RB1: variants seen among roughly 807,000 people sequenced by gnomAD.
RB1 encodes retinoblastoma-associated protein.
In RB1, 18 loss-of-function variants were observed where a neutral mutation model predicts 135.4. That is an observed-to-expected ratio of 0.13 (90% confidence interval 0.09 to 0.20). RB1 has a LOEUF of 0.20. Among genes scored for constraint, RB1 ranks in the 10% least tolerant of loss-of-function variants. The probability of loss-of-function intolerance (pLI) is 1.00; values close to 1 mark genes in which losing one functional copy is unlikely to be tolerated. For synonymous variants in RB1, 365 were observed against 373.2 expected, an observed-to-expected ratio of 0.98 and a Z score of 0.25; for missense variants, 868 against 1,110.0, an observed-to-expected ratio of 0.78 and a Z score of 3.10.
chr13:48,362,224 G>T (rs1264381140), intron 7 of RB1, among the ~76,000 whole-genome samples: 1 of 151,998 alleles, frequency 6.6e-6, no homozygotes, highest in Non-Finnish European at 1.5e-5. Flanking sequence ...AGGATTACAG[G>T]CGTGAGCCAC....
chr13:48,331,741 T>C (rs1388788690), intron 2 of RB1, among the ~76,000 whole-genome samples: 1 of 152,230 alleles, frequency 6.6e-6, no homozygotes, highest in Non-Finnish European at 1.5e-5. Flanking sequence ...TCCTACCTTT[T>C]GGTAGATATC....
At chr13:48,438,914 G>A (rs780794315) in intron 17 of RB1, among the ~76,000 whole-genome samples, 42 of 151,558 alleles carry the variant, frequency 2.8e-4, no homozygotes, top group Admixed American at 5.9e-4. Context: ...CTATGTAGTG[G>A]GTACTACTAT....
At chr13:48,463,213 T>C (rs978239171) in intron 20 of RB1, among the ~76,000 whole-genome samples, 16 of 152,190 alleles carry the variant, frequency 1.1e-4, no homozygotes, top group Admixed American at 7.9e-4. Flanking sequence ...ATCAAAAGTA[T>C]ACATTCTAAC....
At chr13:48,305,011 A>G (rs1952069029) in intron 1 of RB1, among the ~76,000 whole-genome samples, 1 of 152,150 alleles carries the variant, frequency 6.6e-6, no homozygotes, top group Non-Finnish European at 1.5e-5. Context: ...GGAAGTATTT[A>G]TTGTATTACA....
chr13:48,337,523 A>C (rs1363102615), intron 2 of RB1, among the ~76,000 whole-genome samples: 1 of 151,610 alleles, frequency 6.6e-6, no homozygotes, highest in Non-Finnish European at 1.5e-5. Context: ...TTTGTTTTCC[A>C]TTTGCTTGGT....
intron 2 of RB1, among the ~76,000 whole-genome samples, chr13:48,329,458 C>T (rs761920770): frequency 4.6e-5 from 7 of 152,172 alleles, no homozygotes; most frequent in South Asian, 2.1e-4. Context: ...TACTATACTG[C>T]GTTGAATTTT....
At chr13:48,362,773 A>G in intron 7 of RB1, 42 bp from the exon 8 acceptor site, 9 of 1,578,424 alleles carry the variant, frequency 5.7e-6, no homozygotes, top group Non-Finnish European at 7.8e-6. Context: ...ATTTTATATG[A>G]TGGATGTACA....
chr13:48,361,033 G>T (rs1952634262), intron 7 of RB1, among the ~76,000 whole-genome samples: 1 of 151,800 alleles, frequency 6.6e-6, no homozygotes, highest in Non-Finnish European at 1.5e-5. Flanking sequence ...ACATGGTTTG[G>T]CAGAGAAGGC....
chr13:48,395,782 A>C (rs1170003996), intron 17 of RB1, among the ~76,000 whole-genome samples: 1 of 152,178 alleles, frequency 6.6e-6, no homozygotes, highest in Non-Finnish European at 1.5e-5. Context: ...TGACAGGGAG[A>C]GTGGAACCAA....
intron 21 of RB1, among the ~76,000 whole-genome samples, chr13:48,464,581 G>T (rs1251398104): frequency 6.6e-6 from 1 of 152,134 alleles, no homozygotes; most frequent in Non-Finnish European, 1.5e-5. Context: ...GGGGGATACC[G>T]GGAGGTACAG....
chr13:48,305,105 G>A (rs1427654366), intron 1 of RB1, among the ~76,000 whole-genome samples: 1 of 152,102 alleles, frequency 6.6e-6, no homozygotes. Flanking sequence ...GTCAGCACTG[G>A]TTCTACTTTG....
intron 17 of RB1, among the ~76,000 whole-genome samples, chr13:48,451,212 G>T (rs1420151300): frequency 6.6e-6 from 1 of 152,044 alleles, no homozygotes; most frequent in African/African-American, 2.4e-5. Flanking sequence ...GTCTTGTGCT[G>T]GTTTTCAAGG....
Position 48,477,341 on chromosome 13 carries a change from T to C in RB1, c.2664-14T>C. ...AAATACACATGAAATGTTTTGCATTTTTTTAATCTGCAGTAAACATCTCCC... is the reference window on the plus strand; with the variant it reads ...AAATACACATGAAATGTTTTGCATTCTTTTAATCTGCAGTAAACATCTCCC... On this transcript the variant is annotated splice_polypyrimidine_tract_variant and intron_variant, in intron 25 of 26. Coordinates refer to ENST00000267163, the MANE Select transcript of RB1 (RefSeq NM_000321.3). 1 of 1,599,450 alleles carries C rather than the reference T, an allele frequency of 6.3e-7. No individual in the cohort carries two copies. The highest frequency in any genetic ancestry group is 1.3e-5 in the African/African-American group (1 of 74,766).
chr13:48,395,740 C>T (rs931277158), intron 17 of RB1, among the ~76,000 whole-genome samples: 1 of 152,086 alleles, frequency 6.6e-6, no homozygotes, highest in Non-Finnish European at 1.5e-5. Flanking sequence ...TGTGAAAAGA[C>T]CAAACCTATG....
chr13:48,396,476 C>T (rs1365493500), intron 17 of RB1, among the ~76,000 whole-genome samples: 1 of 152,172 alleles, frequency 6.6e-6, no homozygotes, highest in Non-Finnish European at 1.5e-5. Context: ...CCCTTCCTTA[C>T]ACCTTATACA....
In RB1 at chr13:48,345,076, G is replaced by T; in HGVS notation, c.381-4G>T. The T allele has an allele frequency of 1.2e-6, 2 of 1,609,880 alleles. No homozygotes were observed. The highest frequency in any genetic ancestry group is 1.7e-6 in the Non-Finnish European group (2 of 1,177,802). On this transcript the variant is annotated splice_region_variant and splice_polypyrimidine_tract_variant and intron_variant, in intron 3 of 26. Transcript: ENST00000267163. ...TTTACTTTTTTCTATTCTTTCCTTT[G>T]TAGTGTCCATAAATTCTTTAACTTA...
chr13:48,366,626 T>C (rs1173033672), intron 9 of RB1, among the ~76,000 whole-genome samples: 1 of 152,156 alleles, frequency 6.6e-6, no homozygotes, highest in Non-Finnish European at 1.5e-5. Flanking sequence ...ATTCTAGCAA[T>C]TGAAAAAGTA....
rs1273687798 is a variant in RB1, at chr13:48,480,820, G to A, written c.*749G>A. ...CATCCAACTTATGTTTTTAAATGAG[G>A]ATTATTGATAGTACTCTTGGTTTTT... On this transcript the variant is annotated 3_prime_UTR_variant, in exon 27 of 27. Coordinates refer to ENST00000267163, the MANE Select transcript of RB1 (RefSeq NM_000321.3). 4.4e-6 allele frequency: 1 copy of A among 227,030 alleles called. No homozygotes were observed. The highest frequency in any genetic ancestry group is 8.8e-6 in the Non-Finnish European group (1 of 114,078). 14.1% of individuals were successfully genotyped at this position (227,030 alleles called of 1,614,324 possible). A position where few individuals can be genotyped will look rare whatever the true frequency, so the allele number is the denominator to read the frequency against.
In RB1 at chr13:48,373,399, CT is replaced by C. The variant is rs886038280; in HGVS notation, c.1128-5del. On this transcript the variant is annotated splice_region_variant and splice_polypyrimidine_tract_variant and intron_variant, in intron 11 of 26. Transcript: ENST00000267163. ...TAACACATTTTCCTATTTTTATCCCCTCTAGGACTGTTATGAACACTATCCA... is the reference window on the plus strand; with the variant it reads ...TAACACATTTTCCTATTTTTATCCCCCTAGGACTGTTATGAACACTATCCA... 5.2e-6 allele frequency: 8 copies of C among 1,549,652 alleles called. No individual in the cohort carries two copies. In the East Asian group the frequency reaches 1.8e-4, roughly 35 times the overall value.
Sources: allele counts gnomAD v4.1 joint callset (sites outside exome capture counted in the v4.1 genomes callset), GRCh38; gene constraint gnomAD v4.1.1; transcripts MANE v1.5; gene names NCBI Gene and HGNC (gene_info 2026-07-23, HGNC 2026-07-21).